The following CD163L1 variants were observed in gnomAD, a reference collection of about 807,000 sequenced individuals.
The protein encoded by CD163L1 is scavenger receptor cysteine-rich type 1 protein M160.
A neutral mutation model predicts 165.4 loss-of-function variants in CD163L1; 124 were observed. The ratio of observed to expected loss-of-function variants is 0.75; its 90% CI spans 0.65 to 0.87. The LOEUF is 0.87. Ranked by LOEUF, CD163L1 falls within the 40% of genes least tolerant of loss-of-function variation. The pLI is 0.00. For synonymous variants in CD163L1, 585 were observed against 662.2 expected, an observed-to-expected ratio of 0.88 and a Z score of 1.79; for missense variants, 1,525 against 1,799.9, an observed-to-expected ratio of 0.85 and a Z score of 2.76.
At chr12:7,320,743 A>T in the CD163L1 span, 2 of 1,613,590 alleles carry the variant, frequency 1.2e-6, no homozygotes, top group Non-Finnish European at 1.7e-6. Context: ...TACTTATCCC[A>T]TCACGACCCT....
intron 8 of CD163L1, among the ~76,000 whole-genome samples, chr12:7,380,335 A>ACGTATACATACATGTATGTGTGTATACT (rs1947363028): frequency 8.9e-6 from 1 of 112,384 alleles, no homozygotes; most frequent in Non-Finnish European, 1.9e-5. Flanking sequence ...GTATGTATAC[A>ACGTATACATACATGTATGTGTGTATACT]CGTATACATA....
chr12:7,426,748 T>C (rs1948550288), intron 4 of CD163L1, among the ~76,000 whole-genome samples: 1 of 152,014 alleles, frequency 6.6e-6, no homozygotes, highest in South Asian at 2.1e-4. Flanking sequence ...AATAAATAAA[T>C]AGACAGAGTG....
At chr12:7,428,376 T>G (rs913889572) in intron 4 of CD163L1, among the ~76,000 whole-genome samples, 6 of 152,124 alleles carry the variant, frequency 3.9e-5, no homozygotes, top group Non-Finnish European at 5.9e-5. Context: ...GTTTGCCCAG[T>G]AGATTACTAG....
intron 8 of CD163L1, among the ~76,000 whole-genome samples, chr12:7,381,153 A>G (rs1180167652): frequency 1.3e-5 from 2 of 152,158 alleles, no homozygotes; most frequent in African/African-American, 4.8e-5. Context: ...TACTTTATAT[A>G]CTAAATTATA....
chr12:7,441,114 A>G, intron 2 of CD163L1, 40 bp downstream of exon 2: 3 of 1,385,478 alleles, frequency 2.2e-6, no homozygotes, highest in Non-Finnish European at 3.1e-6. Flanking sequence ...GGTAGAATAG[A>G]GGATTGTAAG....
In CD163L1 at chr12:7,369,668, A is replaced by G; in HGVS notation, c.3731-3T>C. 6.2e-7 allele frequency: 1 copy of G among 1,606,178 alleles called. No individual in the cohort carries two copies. Among genetic ancestry groups the G allele is most frequent in the Non-Finnish European group, 8.5e-7 (1 of 1,173,774 alleles). On this transcript the variant is annotated splice_polypyrimidine_tract_variant and splice_region_variant and intron_variant, in intron 14 of 19. Transcript: ENST00000313599. This position sits in a 1 kb window ranked among gnomAD's most constrained non-coding sequence, Gnocchi z 4.9. ...TCCTCCACGCACTCTTATTCTATCTACAAAGGCACAAAACATGGCTGTCTT... is the reference window on the plus strand; with the variant it reads ...TCCTCCACGCACTCTTATTCTATCTGCAAAGGCACAAAACATGGCTGTCTT...
Position 7,368,886 on chromosome 12 carries a change from T to C in CD163L1, c.4072+47A>G, listed in dbSNP as rs959092677. On this transcript the variant is annotated intron_variant, in intron 16 of 19. Transcript: ENST00000313599. The surrounding 1 kb of genome is among the most constrained non-coding windows in gnomAD (Gnocchi z 4.3). ...GTTTCTGCCCTCCCTTGACCTTCCA[T>C]GTAGCCTTAGGTATTTGTGTCAGCA... 6.2e-7 allele frequency: 1 copy of C among 1,604,544 alleles called. No homozygotes were observed. The highest frequency in any genetic ancestry group is 8.5e-7 in the Non-Finnish European group (1 of 1,171,656).
chr12:7,439,838 T>C (rs1217642082), intron 2 of CD163L1: 9 of 1,613,344 alleles, frequency 5.6e-6, no homozygotes, highest in Non-Finnish European at 1.7e-6. Flanking sequence ...TCCTCCTCAC[T>C]GTCGCCAAAG....
chr12:7,370,941 A>AT, intron 14 of CD163L1, among the ~76,000 whole-genome samples: 1 of 152,248 alleles, frequency 6.6e-6, no homozygotes, highest in African/African-American at 2.4e-5. Flanking sequence ...AGCTCCCATA[A>AT]TTCCCACGTG....
chr12:7,401,910 A>C (rs1368696066), intron 6 of CD163L1, among the ~76,000 whole-genome samples: 4 of 152,110 alleles, frequency 2.6e-5, no homozygotes, highest in Non-Finnish European at 4.4e-5. Flanking sequence ...GTTTTATATC[A>C]ATCTATAAAA....
intron 4 of CD163L1, among the ~76,000 whole-genome samples, chr12:7,412,592 T>C (rs1041953547): frequency 6.6e-6 from 1 of 151,124 alleles, no homozygotes; most frequent in African/African-American, 2.4e-5. Context: ...AAATCATAGA[T>C]AAAAAATATT....
At chr12:7,319,755 A>G in the CD163L1 span, among the ~76,000 whole-genome samples, 1 of 152,164 alleles carries the variant, frequency 6.6e-6, no homozygotes, top group Admixed American at 6.5e-5. Flanking sequence ...ATAAATGTAC[A>G]CTAACCTAAG....
Position 7,373,307 on chromosome 12 carries a change from G to T in CD163L1, c.3730+13C>A. On this transcript the variant is annotated intron_variant, in intron 14 of 19. Coordinates refer to ENST00000313599, the MANE Select transcript of CD163L1 (RefSeq NM_174941.6). ...GGGCTTCAGTGACAGCTGGTGTTTAGAAAGATACCCACCTTCACATGTGAT... is the reference window on the plus strand; with the variant it reads ...GGGCTTCAGTGACAGCTGGTGTTTATAAAGATACCCACCTTCACATGTGAT... 1 of 1,583,138 alleles carries T rather than the reference G, an allele frequency of 6.3e-7. No individual in the cohort carries two copies. The highest frequency in any genetic ancestry group is 8.6e-7 in the Non-Finnish European group (1 of 1,161,938).
the CD163L1 span, chr12:7,320,629 A>G: frequency 1.0e-6 from 1 of 1,002,706 alleles, no homozygotes; most frequent in South Asian, 1.4e-5. Flanking sequence ...GGATGGGCAC[A>G]TATTAATGGA....
At chr12:7,350,791 G>A (rs1171127108), downstream of CD163L1, among the ~76,000 whole-genome samples, 2 of 152,032 alleles carry the variant, frequency 1.3e-5, no homozygotes, top group African/African-American at 4.8e-5. Flanking sequence ...ACCAAAAATT[G>A]CCAAAATATC....
the CD163L1 span, among the ~76,000 whole-genome samples, chr12:7,322,120 G>A: frequency 6.6e-5 from 10 of 152,120 alleles, no homozygotes; most frequent in East Asian, 3.9e-4. Flanking sequence ...CTCATCAAAA[G>A]CACTTAGTAT....
In CD163L1 at chr12:7,440,751, C is replaced by T. The variant is rs181735046; in HGVS notation, c.124+403G>A. ...AAGCAATTCTTCCACTTCAGCCCCC[C>T]AAGTAGCTGGGGTTACAGGTGCACA... On this transcript the variant is annotated intron_variant, in intron 2 of 19. Transcript: ENST00000313599. Among the ~76,000 whole-genome samples the T allele has an allele frequency of 9.5e-4, 144 of 151,934 alleles. 1 individual carries two copies. The highest frequency in any genetic ancestry group is 3.4e-3 in the African/African-American group (142 of 41,452).
At chr12:7,399,126 A>G (rs1451587250) in intron 6 of CD163L1, among the ~76,000 whole-genome samples, 1 of 151,894 alleles carries the variant, frequency 6.6e-6, no homozygotes, top group Non-Finnish European at 1.5e-5. Flanking sequence ...AAATTTGAGA[A>G]TTTTATTTCC....
At chr12:7,429,208 A>G (rs181091040) in intron 4 of CD163L1, among the ~76,000 whole-genome samples, 2 of 152,092 alleles carry the variant, frequency 1.3e-5, no homozygotes, top group African/African-American at 2.4e-5. Context: ...AGGTTAAATA[A>G]TAGAATTCTT....
Sources: allele counts gnomAD v4.1 joint callset (sites outside exome capture counted in the v4.1 genomes callset), GRCh38; gene constraint gnomAD v4.1.1; non-coding constraint Gnocchi (gnomAD v3.1); transcripts MANE v1.5; gene names NCBI Gene and HGNC (gene_info 2026-07-23, HGNC 2026-07-21).